The following IL1RAPL2 variants were observed in gnomAD, a reference collection of about 807,000 sequenced individuals.
IL1RAPL2 encodes interleukin 1 receptor accessory protein like 2.
Under a neutral mutation model 44.1 loss-of-function variants are expected in IL1RAPL2, and 3 were observed. The observed-to-expected ratio is 0.07, with a 90% confidence interval of 0.03 to 0.18. The LOEUF (loss-of-function observed/expected upper bound fraction) is 0.18. Ranked by LOEUF, IL1RAPL2 falls within the 10% of genes least tolerant of loss-of-function variation. The probability of loss-of-function intolerance (pLI) is 1.00; values close to 1 mark genes in which losing one functional copy is unlikely to be tolerated. For missense variants in IL1RAPL2, 391 were observed against 496.4 expected, an observed-to-expected ratio of 0.79 and a Z score of 2.02; for synonymous variants, 181 against 178.8, an observed-to-expected ratio of 1.01 and a Z score of -0.10.
rs1246104693 is a variant in IL1RAPL2 at position 104,851,336 on chromosome X, A to G, written c.82+192341A>G. On this transcript the variant is annotated intron_variant, in intron 2 of 10. Coordinates refer to ENST00000372582, the MANE Select transcript of IL1RAPL2 (RefSeq NM_017416.2). ...GGCACAAAGAAACAAAAGTGAATTT[A>G]CCAGAAAATAAATGTCTCACAGACA... Among the ~76,000 whole-genome samples, 7 of 112,348 alleles carry G rather than the reference A, an allele frequency of 6.2e-5. No individual in the cohort carries two copies. In the East Asian group the frequency reaches 2.0e-3, roughly 31 times the overall value.
At chrX:104,672,559 G>A (rs772211108) in intron 2 of IL1RAPL2, among the ~76,000 whole-genome samples, 17 of 102,853 alleles carry the variant, frequency 1.7e-4, no homozygotes, top group East Asian at 3.0e-4. Flanking sequence ...ATAAACATAC[G>A]TGTGCATGTG....
chrX:104,891,157 T>C (rs188425077), intron 2 of IL1RAPL2, among the ~76,000 whole-genome samples: 11 of 111,740 alleles, frequency 9.8e-5, no homozygotes, highest in African/African-American at 3.6e-4. Flanking sequence ...CACTTCTCTA[T>C]ATCTCTGTTT....
At chrX:104,825,742 C>A (rs1921432946) in intron 2 of IL1RAPL2, among the ~76,000 whole-genome samples, 1 of 111,780 alleles carries the variant, frequency 8.9e-6, no homozygotes, top group South Asian at 3.7e-4. Context: ...ATCAGTTGCT[C>A]CAGTAATCCT....
intron 5 of IL1RAPL2, among the ~76,000 whole-genome samples, chrX:105,304,417 A>C (rs58157897): frequency 0.062 from 6,962 of 112,300 alleles, 517 homozygotes; most frequent in African/African-American, 0.21. Context: ...TGTTAGTCCT[A>C]TTACTCTGTG....
At chrX:105,151,069 A>G (rs2033222675) in intron 2 of IL1RAPL2, among the ~76,000 whole-genome samples, 1 of 112,062 alleles carries the variant, frequency 8.9e-6, no homozygotes, top group African/African-American at 3.2e-5. Context: ...CTGTCTTGAT[A>G]AAAAGTTGAT....
chrX:104,789,308 A>AAGT (rs1477994576), intron 2 of IL1RAPL2, among the ~76,000 whole-genome samples: 1 of 111,410 alleles, frequency 9.0e-6, no homozygotes, highest in Non-Finnish European at 1.9e-5. Context: ...CTCTTCCTTC[A>AAGT]AGTAGTCTCC....
At chrX:105,228,471 A>G (rs1425430926) in intron 3 of IL1RAPL2, among the ~76,000 whole-genome samples, 3 of 111,989 alleles carry the variant, frequency 2.7e-5, no homozygotes, top group Non-Finnish European at 5.6e-5. Flanking sequence ...TGGATGTTTC[A>G]TGTGTATTTT....
At chrX:104,942,720 T>G (rs1925218209) in intron 2 of IL1RAPL2, among the ~76,000 whole-genome samples, 1 of 111,362 alleles carries the variant, frequency 9.0e-6, no homozygotes, top group South Asian at 3.8e-4. Context: ...GGCCAGAACT[T>G]CCAACACTAT....
At chrX:104,707,364 C>T (rs1290781905) in intron 2 of IL1RAPL2, among the ~76,000 whole-genome samples, 2 of 111,527 alleles carry the variant, frequency 1.8e-5, no homozygotes, top group Admixed American at 9.5e-5. Context: ...TTAATATTCA[C>T]CACCCTTTCA....
chrX:105,092,007 G>A (rs1014529040), intron 2 of IL1RAPL2, among the ~76,000 whole-genome samples: 1 of 112,125 alleles, frequency 8.9e-6, no homozygotes, highest in African/African-American at 3.2e-5. Context: ...ATTAATGATG[G>A]TACTTATGAT....
intron 1 of IL1RAPL2, among the ~76,000 whole-genome samples, chrX:104,601,342 G>T (rs2148000396): frequency 9.5e-6 from 1 of 105,010 alleles, no homozygotes; most frequent in South Asian, 4.2e-4. Flanking sequence ...TGTTTCCATT[G>T]TTCAATTCCC....
chrX:105,076,535 G>A (rs2032306329), intron 2 of IL1RAPL2, among the ~76,000 whole-genome samples: 1 of 111,433 alleles, frequency 9.0e-6, no homozygotes, highest in Non-Finnish European at 1.9e-5. Context: ...TTGGGGTGGA[G>A]AGTTCTGTAG....
intron 5 of IL1RAPL2, among the ~76,000 whole-genome samples, chrX:105,357,289 A>G (rs1181245769): frequency 1.8e-5 from 2 of 111,919 alleles, no homozygotes; most frequent in African/African-American, 6.5e-5. Flanking sequence ...CCTGGCAGAA[A>G]GTATTCGTAG....
intron 2 of IL1RAPL2, among the ~76,000 whole-genome samples, chrX:104,940,700 T>G (rs1266231823): frequency 9.3e-6 from 1 of 107,833 alleles, no homozygotes; most frequent in African/African-American, 3.6e-5. Context: ...CATTCTCACT[T>G]CTTTTTTTTT....
At chrX:104,972,558 G>A (rs776147685) in intron 2 of IL1RAPL2, among the ~76,000 whole-genome samples, 5 of 111,639 alleles carry the variant, frequency 4.5e-5, no homozygotes, top group Non-Finnish European at 7.5e-5. Flanking sequence ...CTCTATCTTG[G>A]GGATGTTGAT....
At chrX:104,791,935 C>T (rs953066308) in intron 2 of IL1RAPL2, among the ~76,000 whole-genome samples, 2 of 110,617 alleles carry the variant, frequency 1.8e-5, no homozygotes, top group South Asian at 3.9e-4. Flanking sequence ...TATGCCTTTT[C>T]GGGGCTACTT....
intron 6 of IL1RAPL2, among the ~76,000 whole-genome samples, chrX:105,571,105 C>A (rs1267173127): frequency 1.8e-5 from 2 of 111,303 alleles, no homozygotes; most frequent in South Asian, 3.7e-4. Flanking sequence ...AGAATCATAA[C>A]CTTTATAGAT....
chrX:104,647,950 A>C lies in IL1RAPL2; in HGVS notation c.-19-10945A>C. ...CAGAGTTCAGCATGCTTCCTACAAC[A>C]GCTAAGGCCAGGCCAAACTTGCCAA... is the stretch of plus-strand genomic sequence containing the variant. On this transcript the variant is annotated intron_variant, in intron 1 of 10. Coordinates refer to ENST00000372582, the MANE Select transcript of IL1RAPL2 (RefSeq NM_017416.2). 6.2e-6 allele frequency: 5 copies of C among 801,933 alleles called. No individual in the cohort carries two copies. In the East Asian group the frequency reaches 1.3e-4, roughly 21 times the overall value. 66.1% of individuals were successfully genotyped at this position (801,933 alleles called of 1,213,427 possible).
At chrX:105,332,124 A>C (rs2034991340) in intron 5 of IL1RAPL2, among the ~76,000 whole-genome samples, 2 of 110,416 alleles carry the variant, frequency 1.8e-5, no homozygotes, top group South Asian at 7.7e-4. Context: ...AAATGCAGGT[A>C]TCGCAGACAT....
Sources: gnomAD v4.1 joint callset for allele counts (sites outside exome capture counted in the v4.1 genomes callset) on GRCh38, gnomAD v4.1.1 for gene constraint, MANE v1.5 for transcripts, NCBI Gene and HGNC (gene_info 2026-07-23, HGNC 2026-07-21) for gene names.